Variants in ZNF407 observed in about 807,000 individuals in gnomAD.
ZNF407 encodes zinc finger protein 407.
A neutral mutation model predicts 131.2 loss-of-function variants in ZNF407; 17 were observed. That is an observed-to-expected ratio of 0.13 (90% CI 0.09 to 0.19). ZNF407 has a LOEUF of 0.19. Ranked by LOEUF, ZNF407 falls within the 10% of genes least tolerant of loss-of-function variation. The probability of loss-of-function intolerance (pLI) is 1.00; values close to 1 mark genes in which losing one functional copy is unlikely to be tolerated. For synonymous variants in ZNF407, 1,156 were observed against 1,062.0 expected, an observed-to-expected ratio of 1.09 and a Z score of -1.72; for missense variants, 2,681 against 2,830.6, an observed-to-expected ratio of 0.95 and a Z score of 1.20.
chr18:74,816,069 A>G (rs986942535), intron 4 of ZNF407, among the ~76,000 whole-genome samples: 2 of 152,190 alleles, frequency 1.3e-5, no homozygotes, highest in African/African-American at 4.8e-5. Flanking sequence ...GTCCAAATTC[A>G]TGACTGAATG....
chr18:74,635,601 A>G lies in ZNF407; in HGVS notation c.4582A>G (p.Asn1528Asp). 6.2e-7 allele frequency: 1 copy of G among 1,614,018 alleles called. No homozygotes were observed. The highest frequency in any genetic ancestry group is 8.5e-7 in the Non-Finnish European group (1 of 1,179,880). The change falls in exon 2 of 9, where the codon AAC becomes GAC. Residue 1528 changes from asparagine to aspartate, a missense_variant. Coordinates refer to ENST00000299687, the MANE Select transcript of ZNF407 (RefSeq NM_017757.3). This position sits in a 1 kb window ranked among gnomAD's most constrained non-coding sequence, Gnocchi z 4.7. ...KYIVEDTEQINREREENQGNV... is the reference protein window; with the variant it reads ...KYIVEDTEQIDREREENQGNV... ...TATAGTGGAAGACACTGAGCAAATC[A>G]ACCGCGAGAGGGAGGAAAACCAGGG...
chr18:74,830,776 G>T (rs893954357), intron 4 of ZNF407, among the ~76,000 whole-genome samples: 5 of 152,170 alleles, frequency 3.3e-5, no homozygotes, highest in African/African-American at 1.2e-4. Flanking sequence ...GGGACATTCA[G>T]TGTCTTCCTT....
chr18:75,045,068 G>A (rs1268738884), intron 8 of ZNF407, among the ~76,000 whole-genome samples: 1 of 146,008 alleles, frequency 6.8e-6, no homozygotes, highest in Non-Finnish European at 1.5e-5. Flanking sequence ...GTGTGGGGGG[G>A]TGTGGGCATG....
intron 8 of ZNF407, 61 bp downstream of exon 8, chr18:74,920,753 A>G: frequency 1.3e-6 from 2 of 1,520,952 alleles, no homozygotes; most frequent in Non-Finnish European, 1.8e-6. Context: ...CACAGCAGTT[A>G]TAATGCTATT....
intron 4 of ZNF407, among the ~76,000 whole-genome samples, chr18:74,839,586 T>C (rs1045414660): frequency 6.6e-6 from 1 of 152,170 alleles, no homozygotes; most frequent in African/African-American, 2.4e-5. Flanking sequence ...CAAATACCTT[T>C]AGAGAAACAC....
chr18:74,617,303 A>G (rs1434499554), intron 1 of ZNF407, among the ~76,000 whole-genome samples: 2 of 152,124 alleles, frequency 1.3e-5, no homozygotes, highest in African/African-American at 4.8e-5. Flanking sequence ...CTCTTACGTG[A>G]CTGTGGTGCT....
intron 3 of ZNF407, among the ~76,000 whole-genome samples, chr18:74,756,960 A>G (rs894161036): frequency 6.6e-6 from 1 of 151,986 alleles, no homozygotes; most frequent in Non-Finnish European, 1.5e-5. Context: ...TTTCATTCCT[A>G]GTTAATAATT....
At chr18:74,798,591 C>A (rs1209655436) in intron 4 of ZNF407, among the ~76,000 whole-genome samples, 4 of 152,138 alleles carry the variant, frequency 2.6e-5, no homozygotes, top group Non-Finnish European at 5.9e-5. Flanking sequence ...TTTAAATCAA[C>A]CTTTTCAGTG....
chr18:74,779,109 A>ATATATATATAT (rs397943457), intron 3 of ZNF407, among the ~76,000 whole-genome samples: 1 of 24,372 alleles, frequency 4.1e-5, no homozygotes, highest in African/African-American at 1.4e-4. Flanking sequence ...ATATATATAT[A>ATATATATATAT]TTTTTTTTTT....
chr18:74,924,327 T>TAA (rs532645751), intron 8 of ZNF407, among the ~76,000 whole-genome samples: 3 of 145,616 alleles, frequency 2.1e-5, no homozygotes, highest in East Asian at 4.0e-4. Context: ...TGTATATACT[T>TAA]AAAAAAAAAA....
In ZNF407 at chr18:74,632,627, A is replaced by T. The variant is rs780172705; in HGVS notation, c.1608A>T (p.Val536=). Residue 536 remains valine (V), a synonymous_variant, in exon 2 of 9, where the codon GTA becomes GTT. Coordinates refer to ENST00000299687, the MANE Select transcript of ZNF407 (RefSeq NM_017757.3). ...GTGCTTGTACAGACTGTGGGCAAGTAGCTACAAATAGGACAGATTTGGAAA... is the reference window on the plus strand; with the variant it reads ...GTGCTTGTACAGACTGTGGGCAAGTTGCTACAAATAGGACAGATTTGGAAA... ...TLCACTDCGQ[V]ATNRTDLEIH... is the part of the protein sequence containing the mutation. 6.2e-7 allele frequency: 1 copy of T among 1,614,066 alleles called. No individual in the cohort carries two copies. The highest frequency in any genetic ancestry group is 1.3e-5 in the African/African-American group (1 of 75,076).
At position 75,048,843 on chromosome 18, in the gene ZNF407, G is replaced by A. The variant is rs918221827; in HGVS notation, c.5429-14307G>A. 2.0e-5 allele frequency among the ~76,000 whole-genome samples: 3 copies of A among 152,188 alleles called. No homozygotes were observed. Among genetic ancestry groups the A allele is most frequent in the Non-Finnish European group, 4.4e-5 (3 of 68,044 alleles). ...AACTGAAAAAATTAAATTGGAGGGT[G>A]GGAAGGGGCAGAAGGGGTGAGCAGG... On this transcript the variant is annotated intron_variant, in intron 8 of 8. Transcript: ENST00000299687. This position sits in a 1 kb window ranked among gnomAD's most constrained non-coding sequence, Gnocchi z 4.1.
Position 74,786,990 on chromosome 18 carries a change from A to G in ZNF407, c.4877+5488A>G, listed in dbSNP as rs578236597. ...CCGGCTCACTTTTTTTGTTTTTAGT[A>G]GAGACGGGGTTTCATCATGTTGGCC... On this transcript the variant is annotated intron_variant, in intron 4 of 8. Transcript: ENST00000299687. Among the ~76,000 whole-genome samples the G allele has an allele frequency of 1.0e-3, 151 of 151,740 alleles. 2 individuals carry two copies. The South Asian group carries it at 0.029, about 30-fold the overall frequency.
In ZNF407 at chr18:75,063,379, C is replaced by T. The variant is rs775999846; in HGVS notation, c.5658C>T (p.Ala1886=). The change falls in exon 9 of 9, where the codon GCC becomes GCT. Residue 1886 remains alanine, a synonymous_variant. Coordinates refer to ENST00000299687, the MANE Select transcript of ZNF407 (RefSeq NM_017757.3). The surrounding 1 kb of genome is among the most constrained non-coding windows in gnomAD (Gnocchi z 6.6). The stretch of plus-strand genomic sequence containing the variant: ...TGGACCCCTCGGTGGAGGAGACGGC[C>T]GCCGCCACGCTGCAGACGCTGGCCA... ...FALDPSVEET[A]AATLQTLAMA... The T allele has an allele frequency of 1.4e-5, 22 of 1,610,868 alleles. No individual in the cohort carries two copies. In the East Asian group the frequency reaches 2.7e-4, roughly 20 times the overall value.
At chr18:74,661,608 AT>A (rs1206954371) in intron 3 of ZNF407, among the ~76,000 whole-genome samples, 3 of 151,950 alleles carry the variant, frequency 2.0e-5, no homozygotes, top group Non-Finnish European at 4.4e-5. Flanking sequence ...TCAAAAGCAC[AT>A]TTTTTTAGGC....
intron 4 of ZNF407, among the ~76,000 whole-genome samples, chr18:74,799,945 A>C (rs886744794): frequency 7.0e-6 from 1 of 141,956 alleles, no homozygotes; most frequent in South Asian, 2.2e-4. Context: ...GCCAAAGTCT[A>C]CCAATGCCAT....
At chr18:74,841,652 G>A (rs1278078531) in intron 4 of ZNF407, among the ~76,000 whole-genome samples, 1 of 152,220 alleles carries the variant, frequency 6.6e-6, no homozygotes. Context: ...GATGTTAATT[G>A]TAGAATCATT....
At chr18:74,666,138 G>A (rs577479286) in intron 3 of ZNF407, among the ~76,000 whole-genome samples, 2 of 152,248 alleles carry the variant, frequency 1.3e-5, no homozygotes, top group South Asian at 2.1e-4. Flanking sequence ...TGCACGCCCC[G>A]CAGAAGCATA....
intron 4 of ZNF407, among the ~76,000 whole-genome samples, chr18:74,803,637 C>T (rs1303616896): frequency 3.3e-5 from 5 of 152,002 alleles, no homozygotes; most frequent in African/African-American, 7.3e-5. Context: ...TTAAAGAATT[C>T]GAAAAGGCAG....
Sources: allele counts gnomAD v4.1 joint callset (sites outside exome capture counted in the v4.1 genomes callset), GRCh38; gene constraint gnomAD v4.1.1; non-coding constraint Gnocchi (gnomAD v3.1); transcripts MANE v1.5; gene names NCBI Gene and HGNC (gene_info 2026-07-23, HGNC 2026-07-21).